KIF26B: variants seen among roughly 807,000 people sequenced by gnomAD.
The protein encoded by KIF26B is kinesin family member 26B.
KIF26B carries 63 observed loss-of-function variants against 151.2 expected under a neutral mutation model. That is an observed-to-expected ratio of 0.42 (90% CI 0.34 to 0.51). KIF26B has a LOEUF of 0.51. Ranked by LOEUF, KIF26B falls within the 20% of genes least tolerant of loss-of-function variation. KIF26B has a pLI of 0.07. For synonymous variants in KIF26B, 1,357 were observed against 1,262.1 expected (o/e 1.08, Z -1.59); for missense variants, 2,813 against 2,913.6 (o/e 0.97, Z 0.79).
chr1:245,657,112 A>T (rs367599227), intron 10 of KIF26B, among the ~76,000 whole-genome samples: 1 of 145,622 alleles, frequency 6.9e-6, no homozygotes. Flanking sequence ...CTTTCTTTTC[A>T]CTCCCTACCG....
chr1:245,444,796 C>G (rs549739197), intron 4 of KIF26B, among the ~76,000 whole-genome samples: 2 of 152,266 alleles, frequency 1.3e-5, no homozygotes, highest in African/African-American at 4.8e-5. Context: ...TGAGGGGTTG[C>G]CCAAGACAGG....
chr1:245,586,158 AGTGTGTGTGTGTGTGTGT>A (rs10526699), intron 5 of KIF26B, among the ~76,000 whole-genome samples: 4 of 142,168 alleles, frequency 2.8e-5, no homozygotes, highest in African/African-American at 5.2e-5. Flanking sequence ...CACCATGACC[AGTGTGTGTGTGTGTGTGT>A]GTGTGTGTGT....
chr1:245,573,715 A>G (rs2043088875), intron 5 of KIF26B, among the ~76,000 whole-genome samples: 1 of 152,146 alleles, frequency 6.6e-6, no homozygotes, highest in Non-Finnish European at 1.5e-5. Flanking sequence ...TCTATAGAGT[A>G]GTTCCCCCTT....
rs575806948 is a variant in KIF26B, at chr1:245,588,519, C to T, written c.1351-14058C>T. Among the ~76,000 whole-genome samples, 12 of 152,298 alleles carry T rather than the reference C, an allele frequency of 7.9e-5. No individual in the cohort carries two copies. The East Asian group carries it at 9.6e-4, about 12-fold the overall frequency. On this transcript the variant is annotated intron_variant, in intron 5 of 14. Coordinates refer to ENST00000407071, the MANE Select transcript of KIF26B (RefSeq NM_018012.4). ...CACTGGGCCCCTCTTCTTATCAACC[C>T]GTCCTTCACTTCACCCAGGCTGTCC... is the stretch of plus-strand genomic sequence containing the variant.
At chr1:245,173,605 G>A (rs184170871) in intron 2 of KIF26B, among the ~76,000 whole-genome samples, 37 of 152,220 alleles carry the variant, frequency 2.4e-4, no homozygotes, top group Admixed American at 7.2e-4. Flanking sequence ...CTGGAGACGC[G>A]GGCCGGGGAG....
intron 10 of KIF26B, among the ~76,000 whole-genome samples, chr1:245,676,889 C>T (rs1269816791): frequency 6.6e-6 from 1 of 152,180 alleles, no homozygotes; most frequent in Non-Finnish European, 1.5e-5. Flanking sequence ...CACTTCTCTC[C>T]TGCCTGTCAC....
At chr1:245,561,838 G>C (rs375551587) in intron 5 of KIF26B, among the ~76,000 whole-genome samples, 15 of 152,224 alleles carry the variant, frequency 9.9e-5, no homozygotes, top group East Asian at 9.7e-4. Context: ...GGGTGCCTTT[G>C]GTTTACTAGA....
chr1:245,384,573 G>A (rs704655), intron 3 of KIF26B, among the ~76,000 whole-genome samples: 13,432 of 152,164 alleles, frequency 0.088, 814 homozygotes, highest in East Asian at 0.32. Context: ...AGCATGAACC[G>A]CCATGCCTGG....
rs963567979 is a variant in KIF26B, at chr1:245,484,497, A to G, written c.1167-56270A>G. Among the ~76,000 whole-genome samples the G allele has an allele frequency of 3.3e-5, 5 of 151,592 alleles. 1 individual carries two copies. The highest frequency in any genetic ancestry group is 1.2e-4 in the African/African-American group (5 of 41,368). The stretch of plus-strand genomic sequence containing the variant: ...CTAAGACATTTGATGGTGACCAGGC[A>G]CTCCACTCGTCCATGTAGTTTCTGG... On this transcript the variant is annotated intron_variant, in intron 4 of 14. Transcript: ENST00000407071.
Position 245,243,447 on chromosome 1 carries a change from T to TATAC in KIF26B, c.465+86765_465+86766insTACA, listed in dbSNP as rs377510134. ...ATATATATACATACATATATATATATACACACACACACACACACACACACA... is the reference window on the plus strand; with the variant it reads ...ATATATATACATACATATATATATATATACACACACACACACACACACACACACA... On this transcript the variant is annotated intron_variant, in intron 2 of 14. Coordinates refer to ENST00000407071, the MANE Select transcript of KIF26B (RefSeq NM_018012.4). Among the ~76,000 whole-genome samples the TATAC allele has an allele frequency of 8.3e-4, 123 of 147,370 alleles. 1 individual carries two copies. In the East Asian group the frequency reaches 8.7e-3, roughly 10 times the overall value.
intron 5 of KIF26B, among the ~76,000 whole-genome samples, chr1:245,546,399 A>C (rs6428931): frequency 0.026 from 3,977 of 152,232 alleles, 197 homozygotes; most frequent in African/African-American, 0.091. Context: ...GTCAACAAGT[A>C]GAAACAGTGG....
intron 4 of KIF26B, among the ~76,000 whole-genome samples, chr1:245,425,043 A>G (rs755743543): frequency 2.0e-4 from 30 of 151,210 alleles, no homozygotes; most frequent in Non-Finnish European, 2.8e-4. Flanking sequence ...GGCTTTGAAC[A>G]TCAAGAACAT....
chr1:245,218,957 C>G lies in KIF26B; in HGVS notation c.465+62274C>G, dbSNP rs749688506. Among the ~76,000 whole-genome samples, 4 of 151,952 alleles carry G rather than the reference C, an allele frequency of 2.6e-5. No homozygotes were observed. Among genetic ancestry groups the G allele is most frequent in the African/African-American group, 4.8e-5 (2 of 41,380 alleles). On this transcript the variant is annotated intron_variant, in intron 2 of 14. Coordinates refer to ENST00000407071, the MANE Select transcript of KIF26B (RefSeq NM_018012.4). This position sits in a 1 kb window ranked among gnomAD's most constrained non-coding sequence, Gnocchi z 4.1. ...CTTTGCCATTTCAGTTGGCACTGACCCTTCCAAGACTGTGTATGCCAGGAG... is the reference window on the plus strand; with the variant it reads ...CTTTGCCATTTCAGTTGGCACTGACGCTTCCAAGACTGTGTATGCCAGGAG...
At chr1:245,317,600 T>TGA (rs1423315323) in intron 2 of KIF26B, among the ~76,000 whole-genome samples, 1 of 152,262 alleles carries the variant, frequency 6.6e-6, no homozygotes, top group Middle Eastern at 3.2e-3. Context: ...ACAAAGCTAC[T>TGA]GAATGCCTCT....
chr1:245,209,267 G>A (rs1669465031), intron 2 of KIF26B, among the ~76,000 whole-genome samples: 1 of 152,090 alleles, frequency 6.6e-6, no homozygotes, highest in Admixed American at 6.5e-5. Context: ...TGGGCATGGT[G>A]GTGTACACCT....
At chr1:245,156,725 C>G (rs1573677420) in intron 2 of KIF26B, 42 bp downstream of exon 2, 1 of 1,302,426 alleles carries the variant, frequency 7.7e-7, no homozygotes, top group Non-Finnish European at 9.9e-7. Context: ...GCCGGGAGGG[C>G]GGGGCCGGGC....
At chr1:245,192,439 C>T (rs1006676495) in intron 2 of KIF26B, among the ~76,000 whole-genome samples, 1 of 151,744 alleles carries the variant, frequency 6.6e-6, no homozygotes, top group African/African-American at 2.4e-5. Flanking sequence ...CCTAAAAGGG[C>T]ATACATTACT....
intron 10 of KIF26B, among the ~76,000 whole-genome samples, chr1:245,681,584 G>C (rs2044440477): frequency 6.6e-6 from 1 of 152,190 alleles, no homozygotes; most frequent in Admixed American, 6.5e-5. Context: ...CGGCCCATCT[G>C]TATGTGGGGC....
At chr1:245,699,172 A>T (rs2044735649) in intron 14 of KIF26B, 135 bp downstream of exon 14, 1 of 848,492 alleles carries the variant, frequency 1.2e-6, no homozygotes, top group Non-Finnish European at 1.8e-6. Flanking sequence ...AAATGGAGGA[A>T]GTTGCACCGA....
Sources: gnomAD v4.1 joint callset for allele counts (sites outside exome capture counted in the v4.1 genomes callset) on GRCh38, gnomAD v4.1.1 for gene constraint, Gnocchi (gnomAD v3.1) non-coding constraint, MANE v1.5 for transcripts, NCBI Gene and HGNC (gene_info 2026-07-23, HGNC 2026-07-21) for gene names.